Variants in SLC9C1 observed in about 807,000 individuals in gnomAD.
SLC9C1 encodes the protein solute carrier family 9 member C1.
A neutral mutation model predicts 140.9 loss-of-function variants in SLC9C1; 97 were observed. That is an observed-to-expected ratio of 0.69 (90% CI 0.58 to 0.82). SLC9C1 has a LOEUF of 0.82. SLC9C1 is among the 40% of genes least tolerant of loss of function. The pLI is 0.00. For missense variants in SLC9C1, 1,340 were observed against 1,389.3 expected, an observed-to-expected ratio of 0.96 and a Z score of 0.56; for synonymous variants, 440 against 442.6, an observed-to-expected ratio of 0.99 and a Z score of 0.07.
chr3:112,242,831 C>T (rs926263242), intron 11 of SLC9C1, among the ~76,000 whole-genome samples: 19 of 151,008 alleles, frequency 1.3e-4, no homozygotes, highest in South Asian at 2.1e-4. Context: ...AAAATTAAAA[C>T]GAAAAAAAAG....
At chr3:112,163,965 G>A (rs138039367) in intron 26 of SLC9C1, among the ~76,000 whole-genome samples, 8,166 of 152,142 alleles carry the variant, frequency 0.054, 266 homozygotes, top group South Asian at 0.085. Context: ...CTTGTGTTGG[G>A]TGCATATATA....
intron 6 of SLC9C1, among the ~76,000 whole-genome samples, chr3:112,271,889 A>G (rs1449004698): frequency 6.6e-6 from 1 of 152,112 alleles, no homozygotes; most frequent in Non-Finnish European, 1.5e-5. Flanking sequence ...GTTGCAATGT[A>G]TATTTCTGTA....
At chr3:112,216,245 T>C (rs921055141) in intron 15 of SLC9C1, among the ~76,000 whole-genome samples, 20 of 152,198 alleles carry the variant, frequency 1.3e-4, no homozygotes, top group Admixed American at 3.9e-4. Flanking sequence ...CCTAAAACCA[T>C]AAAAACCCTA....
At chr3:112,223,018 C>T (rs1219082823) in intron 13 of SLC9C1, among the ~76,000 whole-genome samples, 1 of 151,940 alleles carries the variant, frequency 6.6e-6, no homozygotes, top group Non-Finnish European at 1.5e-5. Flanking sequence ...AAATACACTT[C>T]AAAGATATTC....
intron 26 of SLC9C1, among the ~76,000 whole-genome samples, chr3:112,165,457 G>T (rs2107905146): frequency 6.6e-6 from 1 of 152,244 alleles, no homozygotes; most frequent in East Asian, 1.9e-4. Context: ...TGGTGTGGAT[G>T]TCCTTTGTGT....
chr3:112,265,471 T>C (rs2079892221), intron 8 of SLC9C1, among the ~76,000 whole-genome samples: 1 of 152,158 alleles, frequency 6.6e-6, no homozygotes, highest in Admixed American at 6.6e-5. Flanking sequence ...TAAGACCCTA[T>C]ATCTTTTAAG....
At chr3:112,155,145 C>T in intron 26 of SLC9C1, 96 bp from the exon 27 acceptor site, 1 of 1,021,840 alleles carries the variant, frequency 9.8e-7, no homozygotes, top group Non-Finnish European at 1.4e-6. Context: ...ATTCAAATCA[C>T]ACTCAGGACC....
chr3:112,150,828 ATATATATATATAT>A (rs1560003529), intron 28 of SLC9C1, among the ~76,000 whole-genome samples: 1,863 of 62,310 alleles, frequency 0.03, 44 homozygotes, highest in East Asian at 0.09. Flanking sequence ...ATACATATAT[ATATATATATATAT>A]TTTTTTTTTT....
Position 112,221,217 on chromosome 3 carries a change from G to A in SLC9C1, c.1581C>T (p.Tyr527=), listed in dbSNP as rs766574100. Reference sequence around the variant, plus strand: ...GAATCTCATTCCTGTATTGTCTCTGGTAGCTTGCCTAAAAAAATATTAATT... The same window carrying A: ...GAATCTCATTCCTGTATTGTCTCTGATAGCTTGCCTAAAAAAATATTAATT... The part of the protein sequence containing the change: ...RRLLSAQIAS[Y]QRQYRNEILS... The change falls in exon 14 of 29, where the codon TAC becomes TAT. Residue 527 remains tyrosine (Y), a synonymous_variant. Transcript: ENST00000305815. 8.7e-6 allele frequency: 14 copies of A among 1,613,112 alleles called. No individual in the cohort carries two copies. The highest frequency in any genetic ancestry group is 1.7e-5 in the Admixed American group (1 of 59,910).
intron 23 of SLC9C1, among the ~76,000 whole-genome samples, chr3:112,173,373 C>T (rs1401567831): frequency 6.6e-6 from 1 of 152,094 alleles, no homozygotes; most frequent in African/African-American, 2.4e-5. Flanking sequence ...CATTTTATCA[C>T]CCAGGTAATA....
chr3:112,177,005 C>CTCT lies in SLC9C1; in HGVS notation c.2919+2525_2919+2526insAGA, dbSNP rs763150736. Among the ~76,000 whole-genome samples, 10 of 104,720 alleles carry CTCT rather than the reference C, an allele frequency of 9.5e-5. No individual in the cohort carries two copies. In the South Asian group the frequency reaches 1.0e-3, roughly 10 times the overall value. The allele number at this position is 104,720 out of a possible 152,430, so 68.7% of individuals were successfully genotyped here. A position where few individuals can be genotyped will look rare whatever the true frequency, so the allele number is the denominator to read the frequency against. On this transcript the variant is annotated intron_variant, in intron 23 of 28. Coordinates refer to ENST00000305815, the MANE Select transcript of SLC9C1 (RefSeq NM_183061.3). ...TCCTGGTGTCTCTCTCTCTCTCTCT[C>CTCT]TTTTTTTTTTTTTTTTTTGGTGATA... is the stretch of plus-strand genomic sequence containing the variant.
Position 112,182,270 on chromosome 3 carries a change from A to C in SLC9C1, c.2524-12T>G. 6.3e-7 allele frequency: 1 copy of C among 1,592,652 alleles called. No individual in the cohort carries two copies. The highest frequency in any genetic ancestry group is 8.5e-7 in the Non-Finnish European group (1 of 1,171,816). On this transcript the variant is annotated splice_polypyrimidine_tract_variant and intron_variant, in intron 20 of 28. Transcript: ENST00000305815. The stretch of plus-strand genomic sequence containing the variant: ...TTGGCCATGATTAACTAAAACATAA[A>C]ATTTAAGAAAAGGGATGAACCAAAC...
At chr3:112,211,123 T>TA (rs1347361570) in intron 15 of SLC9C1, among the ~76,000 whole-genome samples, 1 of 152,230 alleles carries the variant, frequency 6.6e-6, no homozygotes, top group Non-Finnish European at 1.5e-5. Context: ...TCTATGACTG[T>TA]AAATAAGGCC....
chr3:112,233,644 C>CA (rs912994152), intron 12 of SLC9C1, among the ~76,000 whole-genome samples: 2 of 138,100 alleles, frequency 1.4e-5, no homozygotes, highest in African/African-American at 5.2e-5. Flanking sequence ...CCCCACCCCA[C>CA]AGCAGTCCCC....
Position 112,231,345 on chromosome 3 carries a change from G to A in SLC9C1, c.1572+16C>T. 1 of 1,608,444 alleles carries A rather than the reference G, an allele frequency of 6.2e-7. No individual in the cohort carries two copies. ...TTTTTGGCCAAACATAATTTCAAAA[G>A]AGAATAATACAGTACTATTTGTGCT... On this transcript the variant is annotated intron_variant, in intron 13 of 28. Transcript: ENST00000305815.
intron 12 of SLC9C1, among the ~76,000 whole-genome samples, chr3:112,237,145 G>A (rs1158818598): frequency 6.6e-6 from 1 of 152,134 alleles, no homozygotes; most frequent in Non-Finnish European, 1.5e-5. Flanking sequence ...GAATCTAGGT[G>A]CTCCTGTATT....
intron 15 of SLC9C1, among the ~76,000 whole-genome samples, chr3:112,211,324 C>T (rs566459114): frequency 3.4e-4 from 52 of 152,248 alleles, no homozygotes; most frequent in South Asian, 6.2e-4. Flanking sequence ...GCTGAGGTAC[C>T]GGGTTCATCT....
intron 1 of SLC9C1, among the ~76,000 whole-genome samples, chr3:112,288,042 CAAAAAAAAAAAA>C (rs11462109): frequency 4.9e-5 from 4 of 81,830 alleles, no homozygotes; most frequent in African/African-American, 1.5e-4. Flanking sequence ...GACTCCGTCT[CAAAAAAAAAAAA>C]AAAAAAAAAA....
Position 112,202,313 on chromosome 3 carries a change from G to A in SLC9C1, c.2259C>T (p.Val753=). The part of the protein sequence containing the change: ...TFWYGILKGY[V]QGEADIMTII... The stretch of plus-strand genomic sequence containing the variant: ...TGGTCATTATGTCTGCTTCGCCTTG[G>A]ACATAGCCTTTTAGTATTCCATACC... Residue 753 remains valine, a synonymous_variant, in exon 18 of 29, where the codon GTC becomes GTT. Transcript: ENST00000305815. The A allele has an allele frequency of 6.2e-7, 1 of 1,611,222 alleles. No individual in the cohort carries two copies. Among genetic ancestry groups the A allele is most frequent in the South Asian group, 1.1e-5 (1 of 90,150 alleles).
Sources: allele counts gnomAD v4.1 joint callset (sites outside exome capture counted in the v4.1 genomes callset), GRCh38; gene constraint gnomAD v4.1.1; transcripts MANE v1.5; gene names NCBI Gene and HGNC (gene_info 2026-07-23, HGNC 2026-07-21).